Variants in PCDH9 observed in about 807,000 individuals in gnomAD.
PCDH9 encodes the protein protocadherin-9.
PCDH9 carries 24 observed loss-of-function variants against 70.6 expected under a neutral mutation model. The observed-to-expected ratio is 0.34, with a 90% CI of 0.25 to 0.48. The LOEUF is 0.48. Among genes scored for constraint, PCDH9 ranks in the 20% least tolerant of loss-of-function variants. PCDH9 has a pLI of 0.99. For missense variants in PCDH9, 1,281 were observed against 1,503.6 expected, an observed-to-expected ratio of 0.85 and a Z score of 2.45; for synonymous variants, 562 against 558.5, an observed-to-expected ratio of 1.01 and a Z score of -0.09.
chr13:66,617,476 C>A (rs1399410977), intron 4 of PCDH9, among the ~76,000 whole-genome samples: 2 of 152,134 alleles, frequency 1.3e-5, no homozygotes, highest in Non-Finnish European at 2.9e-5. Context: ...GTAATTGTGT[C>A]TCTGTACTAC....
intron 2 of PCDH9, among the ~76,000 whole-genome samples, chr13:67,009,316 T>C (rs956599177): frequency 7.9e-5 from 12 of 152,112 alleles, no homozygotes; most frequent in Non-Finnish European, 1.5e-4. Context: ...GAGCTGTTCA[T>C]AATTTCACCC....
At chr13:66,724,255 T>A (rs2078977523) in intron 3 of PCDH9, among the ~76,000 whole-genome samples, 1 of 152,140 alleles carries the variant, frequency 6.6e-6, no homozygotes, top group Admixed American at 6.5e-5. Flanking sequence ...CCAAAAACAA[T>A]ATTTAAGTGA....
chr13:67,195,234 C>T (rs1157864809), intron 2 of PCDH9, among the ~76,000 whole-genome samples: 1 of 152,046 alleles, frequency 6.6e-6, no homozygotes, highest in Non-Finnish European at 1.5e-5. Flanking sequence ...CAAGCTCCGC[C>T]TCCCAGGTTC....
At chr13:66,674,004 C>T (rs2078210987) in intron 3 of PCDH9, among the ~76,000 whole-genome samples, 2 of 151,884 alleles carry the variant, frequency 1.3e-5, no homozygotes, top group Non-Finnish European at 2.9e-5. Context: ...ATAATAGGGT[C>T]TAAAGTTTGC....
chr13:66,906,525 G>T (rs1003621920), intron 2 of PCDH9, among the ~76,000 whole-genome samples: 1 of 152,004 alleles, frequency 6.6e-6, no homozygotes, highest in Non-Finnish European at 1.5e-5. Context: ...CAAAATGAGC[G>T]CATTTGGAAT....
At position 67,227,478 on chromosome 13, in the gene PCDH9, C is replaced by A. The variant is rs150268494; in HGVS notation, c.963G>T (p.Glu321Asp). The part of the protein sequence containing the change: ...LITVQRSLDR[E>D]ETAIHKVTVL... ...CTGTCACTTTGTGAATGGCTGTCTC[C>A]TCTCTATCTAAGGACCTCTGAACTG... Residue 321 changes from glutamate (E) to aspartate (D), a missense_variant, in exon 2 of 5, where the codon GAG (glutamate) becomes GAT (aspartate). Physicochemically the swap from Glu to Asp is conservative, Grantham distance 45 (BLOSUM62 2). Coordinates refer to ENST00000377865, the MANE Select transcript of PCDH9 (RefSeq NM_203487.3). The surrounding 1 kb of genome is among the most constrained non-coding windows in gnomAD (Gnocchi z 4.6). 1 of 1,613,786 alleles carries A rather than the reference C, an allele frequency of 6.2e-7. No homozygotes were observed. Among genetic ancestry groups the A allele is most frequent in the African/African-American group, 1.3e-5 (1 of 74,910 alleles).
At chr13:66,737,839 G>A (rs1308369518) in intron 3 of PCDH9, among the ~76,000 whole-genome samples, 1 of 152,148 alleles carries the variant, frequency 6.6e-6, no homozygotes, top group Non-Finnish European at 1.5e-5. Context: ...TGGCTCGGAG[G>A]GTCCTACGCC....
chr13:66,857,607 A>T (rs1016626992), intron 3 of PCDH9, among the ~76,000 whole-genome samples: 1 of 152,134 alleles, frequency 6.6e-6, no homozygotes. Flanking sequence ...CCTAATATAA[A>T]GTACATATTT....
At chr13:66,489,350 C>T (rs1232585879) in intron 4 of PCDH9, among the ~76,000 whole-genome samples, 2 of 152,098 alleles carry the variant, frequency 1.3e-5, no homozygotes, top group Non-Finnish European at 2.9e-5. Context: ...AGACAGGCTC[C>T]ATCACCCAGG....
chr13:66,785,843 CA>C lies in PCDH9; in HGVS notation c.3138+117660del, dbSNP rs1321930170. Among the ~76,000 whole-genome samples the C allele has an allele frequency of 5.8e-3, 724 of 123,880 alleles. 4 individuals are homozygous for C. The highest frequency in any genetic ancestry group is 0.011 in the African/African-American group (358 of 33,436). 81.3% of individuals were successfully genotyped at this position (123,880 alleles called of 152,430 possible). A position where few individuals can be genotyped will look rare whatever the true frequency, so the allele number is the denominator to read the frequency against. ...ATTGTGAAGACTTTATGGGTTTTTCCAAAAAAAAAAAAAATTTACTGTTTGA... is the reference window on the plus strand; with the variant it reads ...ATTGTGAAGACTTTATGGGTTTTTCCAAAAAAAAAAAAATTTACTGTTTGA... On this transcript the variant is annotated intron_variant, in intron 3 of 4. Coordinates refer to ENST00000377865, the MANE Select transcript of PCDH9 (RefSeq NM_203487.3).
chr13:66,701,559 C>G (rs2146743), intron 3 of PCDH9, among the ~76,000 whole-genome samples: 66,572 of 151,848 alleles, frequency 0.44, 14,625 homozygotes, highest in South Asian at 0.46. Flanking sequence ...CCATGATTGT[C>G]TTTTTGTTTG....
intron 3 of PCDH9, among the ~76,000 whole-genome samples, chr13:66,800,500 C>T (rs1195052936): frequency 6.6e-6 from 1 of 152,200 alleles, no homozygotes; most frequent in Admixed American, 6.5e-5. Flanking sequence ...CATGTAAGCA[C>T]CAAGACCACA....
chr13:66,462,932 G>A (rs1279253655), intron 4 of PCDH9, among the ~76,000 whole-genome samples: 1 of 151,650 alleles, frequency 6.6e-6, no homozygotes, highest in African/African-American at 2.4e-5. Flanking sequence ...AAATTGTGAG[G>A]AAAAAAACCT....
intron 3 of PCDH9, among the ~76,000 whole-genome samples, chr13:66,677,019 C>T (rs979078894): frequency 1.3e-5 from 2 of 152,074 alleles, no homozygotes; most frequent in Middle Eastern, 3.4e-3. Context: ...TTTTAGATCA[C>T]ACCGAAGAAG....
At chr13:67,218,938 C>T (rs753440081) in intron 2 of PCDH9, 4 of 151,902 alleles carry the variant, frequency 2.6e-5, no homozygotes, top group Admixed American at 6.6e-5. Context: ...TGTAAAAGAT[C>T]AAGGGAAAAT....
chr13:66,393,132 T>C (rs1034044231), intron 4 of PCDH9, among the ~76,000 whole-genome samples: 16 of 152,298 alleles, frequency 1.1e-4, no homozygotes, highest in African/African-American at 3.4e-4. Context: ...AGTTTCATTC[T>C]AGTCTTAAAA....
Position 66,701,666 on chromosome 13 carries a change from T to A in PCDH9, c.3139-70255A>T, listed in dbSNP as rs567844467. ...AACTGAATCTGCTGGTGTTTGTTGT[T>A]ATTGCTATTGTTTGGTTTTGTTTGT... On this transcript the variant is annotated intron_variant, in intron 3 of 4. Transcript: ENST00000377865. Among the ~76,000 whole-genome samples, 3 of 152,322 alleles carry A rather than the reference T, an allele frequency of 2.0e-5. No individual in the cohort carries two copies. In the East Asian group the frequency reaches 5.8e-4, roughly 29 times the overall value.
At chr13:66,604,137 A>G (rs774373075) in intron 4 of PCDH9, among the ~76,000 whole-genome samples, 39 of 152,098 alleles carry the variant, frequency 2.6e-4, no homozygotes, top group Middle Eastern at 3.4e-3. Context: ...CCGCACTTGC[A>G]GATTTCCCCT....
chr13:66,473,807 A>G (rs1020789215), intron 4 of PCDH9, among the ~76,000 whole-genome samples: 2 of 152,194 alleles, frequency 1.3e-5, no homozygotes, highest in Non-Finnish European at 2.9e-5. Flanking sequence ...AATGCTACAA[A>G]GAAAAAAGCA....
Sources: allele counts gnomAD v4.1 joint callset (sites outside exome capture counted in the v4.1 genomes callset), GRCh38; gene constraint gnomAD v4.1.1; non-coding constraint Gnocchi (gnomAD v3.1); transcripts MANE v1.5; gene names NCBI Gene and HGNC (gene_info 2026-07-23, HGNC 2026-07-21).